The following ARHGEF7 variants were observed in gnomAD, a reference collection of about 807,000 sequenced individuals.
ARHGEF7 encodes the protein Rho guanine nucleotide exchange factor 7, also known as PAK-interacting exchange factor beta.
ARHGEF7 carries 33 observed loss-of-function variants against 109.8 expected under a neutral mutation model. The observed-to-expected ratio is 0.30, with a 90% CI of 0.23 to 0.40. The LOEUF (loss-of-function observed/expected upper bound fraction) is 0.40. ARHGEF7 is among the 10% of genes least tolerant of loss of function. ARHGEF7 has a pLI of 1.00. For synonymous variants in ARHGEF7, 458 were observed against 424.6 expected, an observed-to-expected ratio of 1.08 and a Z score of -0.97; for missense variants, 938 against 1,098.5, an observed-to-expected ratio of 0.85 and a Z score of 2.07.
intron 4 of ARHGEF7, among the ~76,000 whole-genome samples, chr13:111,215,277 A>AG (rs1414439824): frequency 6.6e-6 from 1 of 151,920 alleles, no homozygotes; most frequent in Non-Finnish European, 1.5e-5. Flanking sequence ...TGCGGGGCTG[A>AG]GGGGGCGATC....
At chr13:111,235,075 G>T (rs1030118379) in intron 6 of ARHGEF7, among the ~76,000 whole-genome samples, 3 of 152,202 alleles carry the variant, frequency 2.0e-5, no homozygotes, top group Non-Finnish European at 2.9e-5. Context: ...TTGCATTCTT[G>T]TATAAGACAC....
chr13:111,133,309 T>G (rs1304490430), intron 1 of ARHGEF7, among the ~76,000 whole-genome samples: 1 of 152,144 alleles, frequency 6.6e-6, no homozygotes, highest in Non-Finnish European at 1.5e-5. Flanking sequence ...CATATGCCTA[T>G]ACACATGGAT....
chr13:111,275,988 C>T (rs2092455983), intron 12 of ARHGEF7: 1 of 333,866 alleles, frequency 3.0e-6, no homozygotes, highest in Admixed American at 3.9e-5. Flanking sequence ...CCGCATGGAG[C>T]TGTATGCGCT....
chr13:111,224,406 A>G (rs7990085), intron 5 of ARHGEF7, among the ~76,000 whole-genome samples: 67,856 of 152,096 alleles, frequency 0.45, 15,840 homozygotes, highest in South Asian at 0.56. Context: ...TGCTTCCAAG[A>G]CCAGTTTTCT....
chr13:111,208,649 G>T (rs1004020630), intron 3 of ARHGEF7, among the ~76,000 whole-genome samples: 2 of 152,108 alleles, frequency 1.3e-5, no homozygotes, highest in Admixed American at 1.3e-4. Flanking sequence ...TGCTGGAAAT[G>T]CCCTTTTAGC....
Position 111,267,647 on chromosome 13 carries a change from A to G in ARHGEF7, c.1050A>G (p.Ala350=), listed in dbSNP as rs763219901. 5 of 1,614,074 alleles carry G rather than the reference A, an allele frequency of 3.1e-6. No homozygotes were observed. In the East Asian group the frequency reaches 8.9e-5, roughly 29 times the overall value. The stretch of plus-strand genomic sequence containing the variant: ...CGTATTGTGCCAATCACCCTTCTGC[A>G]GTGAATGTCCTCACGGAACACAGGT... ...YLTYCANHPS[A]VNVLTEHSEE... The change falls in exon 9 of 22, where the codon GCA becomes GCG. Residue 350 remains alanine (A), a synonymous_variant. Transcript: ENST00000646102.
intron 6 of ARHGEF7, among the ~76,000 whole-genome samples, chr13:111,241,697 G>A (rs909793356): frequency 4.6e-5 from 7 of 152,064 alleles, no homozygotes; most frequent in East Asian, 3.9e-4. Context: ...TCTCATATTC[G>A]TGCTAGTGAT....
At position 111,305,478 on chromosome 13, in the gene ARHGEF7, G is replaced by A. The variant is rs1010109529; in HGVS notation, c.*2365G>A. Reference sequence around the variant, plus strand: ...GCGATGTTGGAATGTAGCATCAGAAGCTCGTTCCTTCACACTCAGTGGCGT... The same window carrying A: ...GCGATGTTGGAATGTAGCATCAGAAACTCGTTCCTTCACACTCAGTGGCGT... On this transcript the variant is annotated 3_prime_UTR_variant, in exon 22 of 22. Transcript: ENST00000646102. The A allele has an allele frequency of 6.6e-6, 1 of 152,234 alleles. No individual in the cohort carries two copies. Among genetic ancestry groups the A allele is most frequent in the African/African-American group, 2.4e-5 (1 of 41,452 alleles). The allele number at this position is 152,234 out of a possible 1,614,324, so 9.4% of individuals were successfully genotyped here. A position where few individuals can be genotyped will look rare whatever the true frequency, so the allele number is the denominator to read the frequency against.
Position 111,239,432 on chromosome 13 carries a change from G to A in ARHGEF7, c.760-4440G>A, listed in dbSNP as rs766452173. ...TTTCCTCCCTGCTCCTTTAGTTTGC[G>A]ATGGCCTTCAGATGCCAGGCCAAGG... On this transcript the variant is annotated intron_variant, in intron 6 of 21. Coordinates refer to ENST00000646102, the MANE Select transcript of ARHGEF7 (RefSeq NM_001354046.2). The surrounding 1 kb of genome is among the most constrained non-coding windows in gnomAD (Gnocchi z 4.3). Among the ~76,000 whole-genome samples, 1 of 152,058 alleles carries A rather than the reference G, an allele frequency of 6.6e-6. No individual in the cohort carries two copies. The highest frequency in any genetic ancestry group is 2.1e-4 in the South Asian group (1 of 4,818).
At chr13:111,253,795 C>G (rs767198520) in intron 8 of ARHGEF7, among the ~76,000 whole-genome samples, 6 of 152,208 alleles carry the variant, frequency 3.9e-5, no homozygotes, top group Non-Finnish European at 8.8e-5. Flanking sequence ...CCAGCCTCCC[C>G]CGATCCCTAT....
chr13:111,297,999 T>G (rs1451163162), intron 19 of ARHGEF7, among the ~76,000 whole-genome samples: 3 of 152,268 alleles, frequency 2.0e-5, no homozygotes, highest in African/African-American at 4.8e-5. Context: ...ACACAAGTGA[T>G]GCTTTTGTGA....
Position 111,273,569 on chromosome 13 carries a change from A to T in ARHGEF7, c.1074-245A>T, listed in dbSNP as rs2092310734. On this transcript the variant is annotated intron_variant, in intron 9 of 21. Transcript: ENST00000646102. This position sits in a 1 kb window ranked among gnomAD's most constrained non-coding sequence, Gnocchi z 4.5. Reference sequence around the variant, plus strand: ...TCAGTAGGATCTCATGGAGACCCACATGTCCTGTGCTGTGTATAGTTATTG... The same window carrying T: ...TCAGTAGGATCTCATGGAGACCCACTTGTCCTGTGCTGTGTATAGTTATTG... 6.6e-6 allele frequency among the ~76,000 whole-genome samples: 1 copy of T among 152,192 alleles called. No individual in the cohort carries two copies. The highest frequency in any genetic ancestry group is 1.5e-5 in the Non-Finnish European group (1 of 68,032).
intron 21 of ARHGEF7, among the ~76,000 whole-genome samples, chr13:111,302,092 G>A (rs566706393): frequency 6.6e-6 from 1 of 152,140 alleles, no homozygotes; most frequent in South Asian, 2.1e-4. Flanking sequence ...CGAAAGTTCT[G>A]TCTGGTGACA....
chr13:111,277,425 GT>G lies in ARHGEF7; in HGVS notation c.1420-159del, dbSNP rs1355076292. Among the ~76,000 whole-genome samples, 3 of 152,062 alleles carry G rather than the reference GT, an allele frequency of 2.0e-5. No homozygotes were observed. The East Asian group carries it at 5.8e-4, about 29-fold the overall frequency. Reference sequence around the variant, plus strand: ...ACTTAATACAGAATTTATCATAATTGTTTCCATTTAATTTACCTGATAAAAC... The same window carrying G: ...ACTTAATACAGAATTTATCATAATTGTTCCATTTAATTTACCTGATAAAAC... On this transcript the variant is annotated intron_variant, in intron 12 of 21. Transcript: ENST00000646102.
chr13:111,278,210 G>A (rs1385331760), intron 13 of ARHGEF7, among the ~76,000 whole-genome samples: 1 of 152,202 alleles, frequency 6.6e-6, no homozygotes, highest in Non-Finnish European at 1.5e-5. Context: ...GAGGTGCAAG[G>A]GTGAGCAGGG....
At chr13:111,181,564 G>A (rs1301178364) in intron 2 of ARHGEF7, among the ~76,000 whole-genome samples, 1 of 152,168 alleles carries the variant, frequency 6.6e-6, no homozygotes, top group Admixed American at 6.5e-5. Flanking sequence ...TGGAGAACTT[G>A]GAGTATTTCT....
rs557355836 is a variant in ARHGEF7 at position 111,214,600 on chromosome 13, A to G, written c.469-3079A>G. Among the ~76,000 whole-genome samples the G allele has an allele frequency of 2.3e-3, 353 of 152,330 alleles. 1 individual carries two copies. Among genetic ancestry groups the G allele is most frequent in the African/African-American group, 6.3e-3 (263 of 41,566 alleles). ...GCACAGTGAACTCGGGTCACGTTTCACCACACAAGAGCAAGGAACACGTGA... is the reference window on the plus strand; with the variant it reads ...GCACAGTGAACTCGGGTCACGTTTCGCCACACAAGAGCAAGGAACACGTGA... On this transcript the variant is annotated intron_variant, in intron 4 of 21. Transcript: ENST00000646102.
intron 15 of ARHGEF7, 159 bp downstream of exon 15, chr13:111,280,836 G>A (rs531389559): frequency 2.0e-5 from 16 of 795,460 alleles, no homozygotes; most frequent in African/African-American, 1.2e-4. Context: ...GGCCCTCTTC[G>A]TGCAGTAGTG....
intron 19 of ARHGEF7, among the ~76,000 whole-genome samples, chr13:111,299,233 G>A (rs981244876): frequency 1.3e-5 from 2 of 152,026 alleles, no homozygotes; most frequent in African/African-American, 2.4e-5. Context: ...GTGCCCTCGC[G>A]TGTCAGGAAC....
Sources: allele counts gnomAD v4.1 joint callset (sites outside exome capture counted in the v4.1 genomes callset), GRCh38; gene constraint gnomAD v4.1.1; non-coding constraint Gnocchi (gnomAD v3.1); transcripts MANE v1.5; gene names NCBI Gene and HGNC (gene_info 2026-07-23, HGNC 2026-07-21).